The following WWP2 variants were observed in gnomAD, a reference collection of about 807,000 sequenced individuals.
The protein encoded by WWP2 is NEDD4-like E3 ubiquitin-protein ligase WWP2.
Under a neutral mutation model 121.0 loss-of-function variants are expected in WWP2, and 57 were observed. That is an observed-to-expected ratio of 0.47 (90% CI 0.38 to 0.59). The LOEUF is 0.59. WWP2 is among the 20% of genes least tolerant of loss of function. The probability of loss-of-function intolerance (pLI) is 0.00; values close to 1 mark genes in which losing one functional copy is unlikely to be tolerated. For missense variants in WWP2, 962 were observed against 1,158.9 expected (o/e 0.83, Z 2.47); for synonymous variants, 449 against 441.3 (o/e 1.02, Z -0.22).
At position 69,933,998 on chromosome 16, in the gene WWP2, G is replaced by A; in HGVS notation, c.1711G>A (p.Val571Met). 6.2e-7 allele frequency: 1 copy of A among 1,614,040 alleles called. No homozygotes were observed. The highest frequency in any genetic ancestry group is 8.5e-7 in the Non-Finnish European group (1 of 1,179,950). The change falls in exon 17 of 24, where the codon GTG (valine) becomes ATG (methionine). Residue 571 changes from valine (V) to methionine (M), a missense_variant. Coordinates refer to ENST00000359154, the MANE Select transcript of WWP2 (RefSeq NM_001270454.2). ...GTGGTTTTTCCTCCTGTCTCATGAG[G>A]TGCTCAACCCTATGTATTGTTTATT... ...REWFFLLSHE[V>M]LNPMYCLFEY... is the part of the protein sequence containing the mutation.
intron 8 of WWP2, among the ~76,000 whole-genome samples, chr16:69,903,055 T>C (rs1034958690): frequency 2.0e-5 from 3 of 151,972 alleles, no homozygotes; most frequent in Admixed American, 2.0e-4. Flanking sequence ...GGAAGAAAGG[T>C]CTTGTTCCTC....
chr16:69,918,221 C>T (rs1455196498), intron 10 of WWP2, among the ~76,000 whole-genome samples: 2 of 152,146 alleles, frequency 1.3e-5, no homozygotes, highest in Non-Finnish European at 2.9e-5. Context: ...TCTCCCATCC[C>T]TCACCTTTCC....
chr16:69,763,029 C>G (rs2038650430), intron 1 of WWP2, among the ~76,000 whole-genome samples: 1 of 151,990 alleles, frequency 6.6e-6, no homozygotes, highest in Non-Finnish European at 1.5e-5. Flanking sequence ...TTGAGATTTT[C>G]CCTGAACGGG....
chr16:69,827,275 T>C (rs2056718495), intron 4 of WWP2, among the ~76,000 whole-genome samples: 1 of 152,178 alleles, frequency 6.6e-6, no homozygotes. Flanking sequence ...TTTGCCCCTT[T>C]GTATACTTAT....
intron 6 of WWP2, among the ~76,000 whole-genome samples, chr16:69,864,220 G>A (rs1392305653): frequency 1.3e-5 from 2 of 151,994 alleles, no homozygotes; most frequent in East Asian, 1.9e-4. Flanking sequence ...ATGCAAAAAT[G>A]AGCTGGACAT....
Position 69,812,418 on chromosome 16 carries a change from G to A in WWP2, c.340+13123G>A, listed in dbSNP as rs1347029633. On this transcript the variant is annotated intron_variant, in intron 4 of 23. Coordinates refer to ENST00000359154, the MANE Select transcript of WWP2 (RefSeq NM_001270454.2). ...GACCTCAGGTAACCTGCCCGCCTCG[G>A]CCTCCCAAAGTGCTAAGATCACAGG... Among the ~76,000 whole-genome samples the A allele has an allele frequency of 7.3e-5, 11 of 150,380 alleles. No homozygotes were observed. The East Asian group carries it at 2.2e-3, about 30-fold the overall frequency.
At chr16:69,929,177 C>A (rs1187453347) in intron 11 of WWP2, among the ~76,000 whole-genome samples, 1 of 152,090 alleles carries the variant, frequency 6.6e-6, no homozygotes, top group Non-Finnish European at 1.5e-5. Flanking sequence ...GGCCACACCA[C>A]CCCCTCCCTC....
intron 4 of WWP2, chr16:69,828,045 T>C: frequency 2.6e-6 from 1 of 388,250 alleles, no homozygotes; most frequent in Non-Finnish European, 5.0e-6. Context: ...GGGTAACTGG[T>C]GCTGAATTGT....
At chr16:69,784,229 A>G (rs1269187679) in intron 1 of WWP2, among the ~76,000 whole-genome samples, 1 of 150,132 alleles carries the variant, frequency 6.7e-6, no homozygotes, top group Non-Finnish European at 1.5e-5. Flanking sequence ...CCTCCCAAGT[A>G]GCTGAGATTA....
chr16:69,921,932 G>A (rs532083311), intron 10 of WWP2, among the ~76,000 whole-genome samples: 4 of 151,998 alleles, frequency 2.6e-5, no homozygotes, highest in Non-Finnish European at 4.4e-5. Context: ...AAATTAGCTG[G>A]GCGTGGTGGC....
At chr16:69,833,716 C>T (rs115597327) in intron 4 of WWP2, among the ~76,000 whole-genome samples, 1,956 of 152,326 alleles carry the variant, frequency 0.013, 36 homozygotes, top group African/African-American at 0.042. Flanking sequence ...CTTGCTGAAA[C>T]CTGAGCCTCT....
At chr16:69,916,137 T>C (rs1048391842) in intron 9 of WWP2, among the ~76,000 whole-genome samples, 1 of 152,126 alleles carries the variant, frequency 6.6e-6, no homozygotes, top group African/African-American at 2.4e-5. Flanking sequence ...GTGAGCCTTG[T>C]GTACTTACTA....
intron 6 of WWP2, among the ~76,000 whole-genome samples, chr16:69,842,341 T>C (rs2056994878): frequency 6.6e-6 from 1 of 152,156 alleles, no homozygotes; most frequent in Admixed American, 6.5e-5. Context: ...TTTTTGTTTT[T>C]ATTTTAGATT....
At chr16:69,826,563 C>G (rs2056695366) in intron 4 of WWP2, among the ~76,000 whole-genome samples, 1 of 123,494 alleles carries the variant, frequency 8.1e-6, no homozygotes, top group Non-Finnish European at 1.6e-5. Context: ...CAGAGTGAGA[C>G]TCCGTCTCAA....
chr16:69,939,422 G>A lies in WWP2; in HGVS notation c.2513+9G>A. Reference sequence around the variant, plus strand: ...CCCAGAAGCCACACCTGGTGAGCCTGCTGGTTTTAGTGGGAGGTCGGGGGG... The same window carrying A: ...CCCAGAAGCCACACCTGGTGAGCCTACTGGTTTTAGTGGGAGGTCGGGGGG... On this transcript the variant is annotated intron_variant, in intron 23 of 23. Transcript: ENST00000359154. 6.2e-7 allele frequency: 1 copy of A among 1,614,102 alleles called. No homozygotes were observed. Among genetic ancestry groups the A allele is most frequent in the South Asian group, 1.1e-5 (1 of 91,086 alleles).
intron 1 of WWP2, among the ~76,000 whole-genome samples, chr16:69,772,687 A>T (rs2055442524): frequency 6.6e-6 from 1 of 152,136 alleles, no homozygotes; most frequent in Admixed American, 6.6e-5. Context: ...TTACCATGGC[A>T]TTGGCACACT....
intron 4 of WWP2, chr16:69,828,010 A>G (rs2056733251): frequency 7.0e-6 from 3 of 427,604 alleles, no homozygotes; most frequent in South Asian, 5.1e-5. Context: ...CTTCTGGGGT[A>G]CCTTGTTACG....
intron 8 of WWP2, among the ~76,000 whole-genome samples, chr16:69,903,758 A>T (rs1433188936): frequency 6.7e-6 from 1 of 148,976 alleles, no homozygotes; most frequent in African/African-American, 2.5e-5. Context: ...CAGAGCAAGA[A>T]TCTGTCTCAA....
At chr16:69,782,649 A>G (rs1328856648) in intron 1 of WWP2, among the ~76,000 whole-genome samples, 1 of 152,192 alleles carries the variant, frequency 6.6e-6, no homozygotes, top group Non-Finnish European at 1.5e-5. Context: ...CAGTGGAAGT[A>G]AAATGCTTAT....
Sources: allele counts gnomAD v4.1 joint callset (sites outside exome capture counted in the v4.1 genomes callset), GRCh38; gene constraint gnomAD v4.1.1; transcripts MANE v1.5; gene names NCBI Gene and HGNC (gene_info 2026-07-23, HGNC 2026-07-21).